Variants in ENOX1 observed in about 807,000 individuals in gnomAD.
ENOX1 encodes the protein ecto-NOX disulfide-thiol exchanger 1.
ENOX1 carries 42 observed loss-of-function variants against 82.5 expected under a neutral mutation model. The ratio of observed to expected loss-of-function variants is 0.51; its 90% CI spans 0.40 to 0.66. The LOEUF (loss-of-function observed/expected upper bound fraction) is 0.66, where lower values mean the gene tolerates loss of function less well. Among genes scored for constraint, ENOX1 ranks in the 30% least tolerant of loss-of-function variants. ENOX1 has a pLI of 0.00. For missense variants in ENOX1, 608 were observed against 811.6 expected (o/e 0.75, Z 3.05); for synonymous variants, 271 against 282.2 (o/e 0.96, Z 0.40).
intron 2 of ENOX1, among the ~76,000 whole-genome samples, chr13:43,630,480 G>T (rs2083157525): frequency 6.6e-6 from 1 of 151,968 alleles, no homozygotes; most frequent in Admixed American, 6.6e-5. Flanking sequence ...CTCAATTAAA[G>T]CTTATTGCCA....
intron 3 of ENOX1, among the ~76,000 whole-genome samples, chr13:43,470,273 CATATATATACATAT>C (rs1381351422): frequency 8.9e-5 from 4 of 44,982 alleles, no homozygotes; most frequent in African/African-American, 2.6e-4. Flanking sequence ...TATATATACA[CATATATATACATAT>C]ATATATACAC....
chr13:43,760,946 C>T (rs1273098897), intron 1 of ENOX1, among the ~76,000 whole-genome samples: 3 of 151,060 alleles, frequency 2.0e-5, no homozygotes, highest in Admixed American at 6.6e-5. Context: ...TAGGATTATA[C>T]AGAATTTTCC....
At chr13:43,460,793 CAAAAAAAAAAAAAAAAAAAA>C (rs1312983530) in intron 3 of ENOX1, among the ~76,000 whole-genome samples, 2 of 25,702 alleles carry the variant, frequency 7.8e-5, no homozygotes, top group African/African-American at 3.8e-4. Flanking sequence ...GACTCCATCT[CAAAAAAAAAAAAAAAAAAAA>C]AAAAAAAAAA....
intron 2 of ENOX1, among the ~76,000 whole-genome samples, chr13:43,571,018 C>G (rs1489948791): frequency 6.6e-6 from 1 of 152,146 alleles, no homozygotes; most frequent in African/African-American, 2.4e-5. Flanking sequence ...TTCACTTCTT[C>G]TTGGGAAGGA....
At chr13:43,438,829 A>G (rs891134014) in intron 3 of ENOX1, among the ~76,000 whole-genome samples, 1 of 152,106 alleles carries the variant, frequency 6.6e-6, no homozygotes, top group Admixed American at 6.5e-5. Flanking sequence ...GCATTTTTTA[A>G]AACAGCTCCA....
chr13:43,348,550 C>T (rs1339554605), intron 8 of ENOX1, among the ~76,000 whole-genome samples: 3 of 152,198 alleles, frequency 2.0e-5, no homozygotes, highest in Non-Finnish European at 4.4e-5. Context: ...ACAAGCAATT[C>T]ATACATTTTA....
intron 1 of ENOX1, among the ~76,000 whole-genome samples, chr13:43,685,044 TG>T: frequency 6.6e-6 from 1 of 152,210 alleles, no homozygotes; most frequent in East Asian, 1.9e-4. Context: ...TTGGCCTTAC[TG>T]TGTAAATCAT....
intron 2 of ENOX1, among the ~76,000 whole-genome samples, chr13:43,633,596 G>C (rs879414634): frequency 1.3e-5 from 2 of 151,770 alleles, no homozygotes; most frequent in African/African-American, 4.8e-5. Flanking sequence ...TAATAATATG[G>C]GGAAAATCTT....
At chr13:43,526,126 G>C (rs1402350722) in intron 2 of ENOX1, among the ~76,000 whole-genome samples, 1 of 152,118 alleles carries the variant, frequency 6.6e-6, no homozygotes, top group Non-Finnish European at 1.5e-5. Context: ...CAACAATATA[G>C]TGTACTATTT....
chr13:43,216,113 G>A (rs1403859753), intron 16 of ENOX1, among the ~76,000 whole-genome samples: 5 of 152,094 alleles, frequency 3.3e-5, no homozygotes, highest in African/African-American at 4.8e-5. Flanking sequence ...CAGAAGAATC[G>A]CTTGAACCTG....
At chr13:43,634,369 C>T (rs1191300238) in intron 2 of ENOX1, among the ~76,000 whole-genome samples, 1 of 152,182 alleles carries the variant, frequency 6.6e-6, no homozygotes, top group Non-Finnish European at 1.5e-5. Flanking sequence ...CAGTTACATA[C>T]TTGGATGGTG....
chr13:43,491,994 T>G (rs75266373), intron 2 of ENOX1, among the ~76,000 whole-genome samples: 2 of 152,136 alleles, frequency 1.3e-5, no homozygotes, highest in African/African-American at 4.8e-5. Flanking sequence ...CTATGTTATA[T>G]AGTGAATCTC....
chr13:43,593,669 TACACACACACACACACACACACAC>T (rs58120566), intron 2 of ENOX1, among the ~76,000 whole-genome samples: 32 of 69,248 alleles, frequency 4.6e-4, no homozygotes, highest in South Asian at 2.6e-3. Flanking sequence ...CCAATCTCTG[TACACACACACACACACACACACAC>T]ACACACACAC....
At chr13:43,229,893 G>A (rs1165013498) in intron 15 of ENOX1, among the ~76,000 whole-genome samples, 3 of 152,230 alleles carry the variant, frequency 2.0e-5, no homozygotes, top group Non-Finnish European at 4.4e-5. Flanking sequence ...AGGAAAAAGG[G>A]GAATCGGGAG....
chr13:43,596,500 C>T (rs552269707), intron 2 of ENOX1, among the ~76,000 whole-genome samples: 1 of 152,338 alleles, frequency 6.6e-6, no homozygotes, highest in African/African-American at 2.4e-5. Context: ...GGCTTTTAGA[C>T]ATGGAAGTCC....
chr13:43,562,680 T>C (rs538443228), intron 2 of ENOX1, among the ~76,000 whole-genome samples: 10 of 151,816 alleles, frequency 6.6e-5, no homozygotes, highest in Non-Finnish European at 1.0e-4. Flanking sequence ...CACACATAGA[T>C]TGAAAATAAA....
At chr13:43,396,120 A>G (rs567907492) in intron 5 of ENOX1, among the ~76,000 whole-genome samples, 65 of 152,298 alleles carry the variant, frequency 4.3e-4, no homozygotes, top group African/African-American at 1.5e-3. Flanking sequence ...CTAAATTACT[A>G]TTCATTTTCG....
intron 14 of ENOX1, among the ~76,000 whole-genome samples, chr13:43,264,023 T>G (rs946935862): frequency 1.3e-5 from 2 of 152,202 alleles, no homozygotes; most frequent in Non-Finnish European, 2.9e-5. Context: ...TTCTCAATCC[T>G]ATTCACTCCC....
chr13:43,300,010 T>C (rs565102440), intron 11 of ENOX1, among the ~76,000 whole-genome samples: 12 of 152,332 alleles, frequency 7.9e-5, no homozygotes, highest in African/African-American at 2.4e-4. Flanking sequence ...TGTCAAATTA[T>C]GTTAATAATA....
Sources: allele counts gnomAD v4.1 joint callset (sites outside exome capture counted in the v4.1 genomes callset), GRCh38; gene constraint gnomAD v4.1.1; transcripts MANE v1.5; gene names NCBI Gene and HGNC (gene_info 2026-07-23, HGNC 2026-07-21).